The following FAM178B variants were observed in gnomAD, a reference collection of about 807,000 sequenced individuals.
FAM178B encodes the protein family with sequence similarity 178 member B.
FAM178B carries 82 observed loss-of-function variants against 91.7 expected under a neutral mutation model. That is an observed-to-expected ratio of 0.89 (90% CI 0.75 to 1.07). FAM178B has a LOEUF of 1.07. Ranked by LOEUF, FAM178B falls within the 50% of genes least tolerant of loss-of-function variation. The pLI, the probability that FAM178B is intolerant of heterozygous loss-of-function variation, is 0.00. For missense variants in FAM178B, 769 were observed against 846.7 expected, an observed-to-expected ratio of 0.91 and a Z score of 1.14; for synonymous variants, 368 against 359.4, an observed-to-expected ratio of 1.02 and a Z score of -0.27.
At chr2:96,975,778 T>C (rs1333883872) in intron 1 of FAM178B, among the ~76,000 whole-genome samples, 1 of 152,238 alleles carries the variant, frequency 6.6e-6, no homozygotes, top group Non-Finnish European at 1.5e-5. Context: ...AAATGTACCA[T>C]AGTTCCCCCT....
At chr2:96,907,603 C>T (rs2081080244) in intron 12 of FAM178B, among the ~76,000 whole-genome samples, 1 of 152,264 alleles carries the variant, frequency 6.6e-6, no homozygotes, top group East Asian at 1.9e-4. Flanking sequence ...CAAGGGCCTC[C>T]ACAAGACCAG....
chr2:96,932,970 C>CG lies in FAM178B; in HGVS notation c.1079-3651dup, dbSNP rs1379805080. Among the ~76,000 whole-genome samples the CG allele has an allele frequency of 7.4e-5, 10 of 135,380 alleles. No homozygotes were observed. In the East Asian group the frequency reaches 2.2e-3, roughly 30 times the overall value. The allele number at this position is 135,380 out of a possible 152,430, so 88.8% of individuals were successfully genotyped here. A position where few individuals can be genotyped will look rare whatever the true frequency, so the allele number is the denominator to read the frequency against. On this transcript the variant is annotated intron_variant, in intron 8 of 16. Coordinates refer to ENST00000490605, the MANE Select transcript of FAM178B (RefSeq NM_001122646.3). ...AAAAAAAAAAAAAAAAAAAGCCGGG[C>CG]GTGGTGGCTCACGCCTGCAATCCCA...
chr2:96,921,376 G>A (rs1559073715), intron 11 of FAM178B, 102 bp downstream of exon 11: 2 of 1,501,582 alleles, frequency 1.3e-6, no homozygotes, highest in South Asian at 1.2e-5. Flanking sequence ...GGGACATTCC[G>A]ATGACCTCCA....
intron 12 of FAM178B, among the ~76,000 whole-genome samples, chr2:96,915,526 G>A (rs1380569339): frequency 6.6e-6 from 1 of 151,920 alleles, no homozygotes; most frequent in African/African-American, 2.4e-5. Context: ...TTTAGAAAGG[G>A]GAAATAAGAG....
At chr2:96,888,473 T>G (rs571378887) in intron 14 of FAM178B, among the ~76,000 whole-genome samples, 4 of 152,354 alleles carry the variant, frequency 2.6e-5, no homozygotes, top group Admixed American at 6.5e-5. Context: ...GGGGAACACA[T>G]GTCCCATTGC....
At chr2:96,921,933 C>T (rs751925394) in intron 10 of FAM178B, among the ~76,000 whole-genome samples, 2 of 152,052 alleles carry the variant, frequency 1.3e-5, no homozygotes, top group Admixed American at 6.6e-5. Context: ...GCTGCATTCC[C>T]AGGAGGTTAG....
rs74338944 is a variant in FAM178B at position 96,927,912 on chromosome 2, C to T, written c.1193+1294G>A. Among the ~76,000 whole-genome samples the T allele has an allele frequency of 5.9e-3, 903 of 152,314 alleles. 16 individuals carry two copies. The highest frequency in any genetic ancestry group is 0.019 in the African/African-American group (780 of 41,562). On this transcript the variant is annotated intron_variant, in intron 9 of 16. Coordinates refer to ENST00000490605, the MANE Select transcript of FAM178B (RefSeq NM_001122646.3). ...TCTTTCTGAGTGTAATTCTCTCCCCCGCTCATCCAAGACGGTGTGCGATTG... is the reference window on the plus strand; with the variant it reads ...TCTTTCTGAGTGTAATTCTCTCCCCTGCTCATCCAAGACGGTGTGCGATTG...
In FAM178B at chr2:96,876,230, C is replaced by G; in HGVS notation, c.*46G>C. ...TCCTCCAGTTCCCTGAGCCTGTTCA[C>G]TTCCTGCTGAAGCCAGGAGCCCTGG... is the stretch of plus-strand genomic sequence containing the variant. On this transcript the variant is annotated 3_prime_UTR_variant, in exon 17 of 17. Transcript: ENST00000490605. The G allele has an allele frequency of 6.3e-7, 1 of 1,587,894 alleles. No homozygotes were observed. The highest frequency in any genetic ancestry group is 8.6e-7 in the Non-Finnish European group (1 of 1,163,982).
intron 14 of FAM178B, among the ~76,000 whole-genome samples, chr2:96,888,422 C>T (rs2080580510): frequency 6.6e-6 from 1 of 152,236 alleles, no homozygotes; most frequent in African/African-American, 2.4e-5. Context: ...AGAGGCTCCA[C>T]CTGCCTTTCA....
chr2:96,983,422 T>A (rs1559111176), intron 1 of FAM178B, among the ~76,000 whole-genome samples: 1 of 152,146 alleles, frequency 6.6e-6, no homozygotes, highest in Non-Finnish European at 1.5e-5. Flanking sequence ...GAACTTCACA[T>A]ACATAAAATC....
At chr2:96,933,130 C>G (rs1196212770) in intron 8 of FAM178B, among the ~76,000 whole-genome samples, 2 of 151,920 alleles carry the variant, frequency 1.3e-5, no homozygotes, top group Non-Finnish European at 2.9e-5. Context: ...GTAATCCCAG[C>G]TACTTGGGAG....
chr2:96,893,812 C>T, intron 14 of FAM178B, 114 bp downstream of exon 14: 1 of 1,332,406 alleles, frequency 7.5e-7, no homozygotes, highest in Non-Finnish European at 1.0e-6. Context: ...CTGGCATGGC[C>T]CTGGGGTTCT....
chr2:96,952,889 T>C (rs1002616736), intron 6 of FAM178B, among the ~76,000 whole-genome samples: 1 of 152,188 alleles, frequency 6.6e-6, no homozygotes, highest in African/African-American at 2.4e-5. Flanking sequence ...GTACTTAACG[T>C]TGCCACCCTA....
intron 14 of FAM178B, among the ~76,000 whole-genome samples, chr2:96,889,325 T>C (rs1273828574): frequency 6.6e-6 from 1 of 152,174 alleles, no homozygotes; most frequent in Non-Finnish European, 1.5e-5. Context: ...ATAAAGATCC[T>C]TGTACTATAT....
intron 8 of FAM178B, among the ~76,000 whole-genome samples, chr2:96,933,555 T>C (rs1488119701): frequency 6.6e-6 from 1 of 152,210 alleles, no homozygotes; most frequent in Non-Finnish European, 1.5e-5. Context: ...CAGCCTCAGC[T>C]CCAAGACCTG....
intron 13 of FAM178B, chr2:96,895,092 C>T (rs2080794434): frequency 7.8e-7 from 1 of 1,289,520 alleles, no homozygotes; most frequent in Non-Finnish European, 1.0e-6. Flanking sequence ...CTTCATTCCG[C>T]CTGGCCTGTG....
chr2:96,926,835 G>C (rs562967044), intron 9 of FAM178B, among the ~76,000 whole-genome samples: 2 of 152,360 alleles, frequency 1.3e-5, no homozygotes, highest in Admixed American at 1.3e-4. Context: ...CAACTAAAGA[G>C]ACAGCCCAGT....
At chr2:96,985,145 C>A (rs997213407) in intron 1 of FAM178B, among the ~76,000 whole-genome samples, 4 of 152,142 alleles carry the variant, frequency 2.6e-5, no homozygotes, top group African/African-American at 9.7e-5. Context: ...GTCCTGACAG[C>A]GTGGGAGGGG....
At chr2:96,895,256 G>T in intron 13 of FAM178B, 1 of 455,228 alleles carries the variant, frequency 2.2e-6, no homozygotes, top group Non-Finnish European at 3.7e-6. Context: ...TTTCCTAACA[G>T]AATCAACGAG....
Sources: allele counts gnomAD v4.1 joint callset (sites outside exome capture counted in the v4.1 genomes callset), GRCh38; gene constraint gnomAD v4.1.1; transcripts MANE v1.5; gene names NCBI Gene and HGNC (gene_info 2026-07-23, HGNC 2026-07-21).